Variants in MYOM3 observed in about 807,000 individuals in gnomAD.
MYOM3 encodes the protein myomesin-3.
A neutral mutation model predicts 191.7 loss-of-function variants in MYOM3; 155 were observed. The observed-to-expected ratio is 0.81, with a 90% confidence interval of 0.71 to 0.92. The LOEUF (loss-of-function observed/expected upper bound fraction) is 0.92. Ranked by LOEUF, MYOM3 falls within the 40% of genes least tolerant of loss-of-function variation. The probability of loss-of-function intolerance (pLI) is 0.00; values close to 1 mark genes in which losing one functional copy is unlikely to be tolerated. For synonymous variants in MYOM3, 757 were observed against 762.9 expected, an observed-to-expected ratio of 0.99 and a Z score of 0.13; for missense variants, 1,889 against 1,890.6, an observed-to-expected ratio of 1.00 and a Z score of 0.02.
intron 5 of MYOM3, 65 bp downstream of exon 5, chr1:24,105,855 T>G: frequency 6.9e-7 from 1 of 1,458,646 alleles, no homozygotes. Flanking sequence ...GGCAGAAGTA[T>G]TGGATGTGAG....
chr1:24,063,616 G>A lies in MYOM3; in HGVS notation c.3623-86C>T. ...GTGGGGACATCCTAGAAAAAGGCTG[G>A]TGGAGCCCGTGAGCTGCTCTCAGGG... On this transcript the variant is annotated intron_variant, in intron 30 of 36. Transcript: ENST00000374434. This position sits in a 1 kb window ranked among gnomAD's most constrained non-coding sequence, Gnocchi z 4.5. 1.3e-6 allele frequency: 2 copies of A among 1,498,820 alleles called. No homozygotes were observed. The highest frequency in any genetic ancestry group is 1.8e-6 in the Non-Finnish European group (2 of 1,082,082). 92.8% of individuals were successfully genotyped at this position (1,498,820 alleles called of 1,614,324 possible).
chr1:24,066,178 G>C lies in MYOM3; in HGVS notation c.3424-177C>G, dbSNP rs144396930. On this transcript the variant is annotated intron_variant, in intron 28 of 36. Coordinates refer to ENST00000374434, the MANE Select transcript of MYOM3 (RefSeq NM_152372.4). ...GTTTTCCCTCTGCCTCTTGATCCCT[G>C]CCTTACTCTATTTTTCTTGGAAATG... is the stretch of plus-strand genomic sequence containing the variant. The C allele has an allele frequency of 4.1e-4, 297 of 718,954 alleles. 1 individual carries two copies. The East Asian group carries it at 7.8e-3, about 19-fold the overall frequency. 44.5% of individuals were successfully genotyped at this position (718,954 alleles called of 1,614,324 possible).
At chr1:24,060,568 C>T (rs758054944) in intron 35 of MYOM3, among the ~76,000 whole-genome samples, 3 of 152,182 alleles carry the variant, frequency 2.0e-5, no homozygotes, top group Non-Finnish European at 2.9e-5. Context: ...ACCACCAGGC[C>T]GCTTAGAACT....
At chr1:24,099,602 G>T in intron 6 of MYOM3, 78 bp downstream of exon 6, 1 of 1,146,580 alleles carries the variant, frequency 8.7e-7, no homozygotes, top group Non-Finnish European at 1.3e-6. Context: ...CAGCTCCGAG[G>T]AAGGGTTTGG....
chr1:24,092,070 G>A (rs903247935), intron 11 of MYOM3, 104 bp downstream of exon 11: 5 of 1,168,852 alleles, frequency 4.3e-6, no homozygotes, highest in Non-Finnish European at 5.7e-6. Flanking sequence ...GCGGGGGTGT[G>A]AGGGTTCTCT....
At chr1:24,108,824 G>T (rs1416636310) in intron 1 of MYOM3, among the ~76,000 whole-genome samples, 170 bp from the exon 2 acceptor site, 1 of 152,198 alleles carries the variant, frequency 6.6e-6, no homozygotes, top group African/African-American at 2.4e-5. Context: ...TGCCCAAGGT[G>T]ACAGAGGCAG....
In MYOM3 at chr1:24,082,739, A is replaced by T. The variant is rs1411151453; in HGVS notation, c.1971-25T>A. 2.5e-6 allele frequency: 4 copies of T among 1,572,360 alleles called. No homozygotes were observed. The East Asian group carries it at 7.0e-5, about 27-fold the overall frequency. On this transcript the variant is annotated intron_variant, in intron 16 of 36. Transcript: ENST00000374434. ...CCTGGGAGAGAAATGTGCAGCTTTC[A>T]TGGATGTACAAACAGCCTGGAGACA...
At position 24,093,082 on chromosome 1, in the gene MYOM3, G is replaced by A. The variant is rs745583615; in HGVS notation, c.955C>T (p.Arg319Trp). ...TGGCGGTCTGTGTAGAGGATCTTCC[G>A]ACGTCTCGAGGACCTCAGTAGGCTC... ...DGSLLRSSRR[R>W]KILYTDRQAS... Residue 319 changes from arginine (R) to tryptophan (W), a missense_variant, in exon 10 of 37, where the codon CGG becomes TGG. Arg to Trp is a moderately radical substitution (Grantham distance 101). Transcript: ENST00000374434. 9 of 1,611,134 alleles carry A rather than the reference G, an allele frequency of 5.6e-6. No individual in the cohort carries two copies. Among genetic ancestry groups the A allele is most frequent in the South Asian group, 3.3e-5 (3 of 90,984 alleles).
At chr1:24,109,469 C>T (rs1184086996) in intron 1 of MYOM3, among the ~76,000 whole-genome samples, 1 of 152,142 alleles carries the variant, frequency 6.6e-6, no homozygotes, top group Non-Finnish European at 1.5e-5. Context: ...AGAATTTTCC[C>T]TCTTCTCATT....
intron 10 of MYOM3, among the ~76,000 whole-genome samples, chr1:24,092,629 C>G (rs1643854568): frequency 1.3e-5 from 2 of 152,156 alleles, no homozygotes; most frequent in South Asian, 4.2e-4. Flanking sequence ...GTGACCTGCC[C>G]AAAGTCACCC....
At chr1:24,075,245 C>CAGGA (rs1172091067) in intron 22 of MYOM3, 74 bp downstream of exon 22, 48 of 1,503,696 alleles carry the variant, frequency 3.2e-5, no homozygotes, top group Non-Finnish European at 4.4e-5. Context: ...TGGTCTCAGC[C>CAGGA]AGGAGCCCCT....
At chr1:24,082,235 T>C (rs772120777) in intron 17 of MYOM3, 47 bp from the exon 18 acceptor site, 1 of 1,506,708 alleles carries the variant, frequency 6.6e-7, no homozygotes, top group East Asian at 2.4e-5. Flanking sequence ...TAGGGGTGGC[T>C]GGATTGGACA....
rs368503939 is a variant in MYOM3 at position 24,086,681 on chromosome 1, C to T, written c.1761G>A (p.Ser587=). ...GCAAGGCGATGGGTTCGCTGGGCTCCGAGGGATCGCTCAGGCCATACTGGT... is the reference window on the plus strand; with the variant it reads ...GCAAGGCGATGGGTTCGCTGGGCTCTGAGGGATCGCTCAGGCCATACTGGT... The part of the protein sequence containing the change: ...AMNQYGLSDP[S]EPSEPIALRG... The change falls in exon 15 of 37, where the codon TCG becomes TCA. Residue 587 remains serine, a synonymous_variant. Transcript: ENST00000374434. 209 of 1,614,094 alleles carry T rather than the reference C, an allele frequency of 1.3e-4. 1 individual carries two copies. The highest frequency in any genetic ancestry group is 1.1e-3 in the South Asian group (99 of 91,074).
At position 24,063,073 on chromosome 1, in the gene MYOM3, A is replaced by G; in HGVS notation, c.3770+53T>C. The G allele has an allele frequency of 4.1e-6, 5 of 1,231,338 alleles. No individual in the cohort carries two copies. The highest frequency in any genetic ancestry group is 6.0e-6 in the Non-Finnish European group (5 of 834,336). 76.3% of individuals were successfully genotyped at this position (1,231,338 alleles called of 1,614,324 possible). On this transcript the variant is annotated intron_variant, in intron 32 of 36. Transcript: ENST00000374434. This position sits in a 1 kb window ranked among gnomAD's most constrained non-coding sequence, Gnocchi z 4.5. Reference sequence around the variant, plus strand: ...GAAGGGAGGGAGGCCCCCATGGGTCAGGTGCTGAATCCTTTCCAGCCTGGC... The same window carrying G: ...GAAGGGAGGGAGGCCCCCATGGGTCGGGTGCTGAATCCTTTCCAGCCTGGC...
chr1:24,073,943 T>G (rs1643563611), intron 23 of MYOM3, among the ~76,000 whole-genome samples: 1 of 151,728 alleles, frequency 6.6e-6, no homozygotes, highest in Non-Finnish European at 1.5e-5. Context: ...GGGATTTATG[T>G]CTGTTGAGTT....
At chr1:24,068,749 A>T (rs1003832522) in intron 25 of MYOM3, among the ~76,000 whole-genome samples, 1 of 151,740 alleles carries the variant, frequency 6.6e-6, no homozygotes, top group African/African-American at 2.4e-5. Flanking sequence ...TCCATCGCAG[A>T]GTCTCGCTCC....
In MYOM3 at chr1:24,063,376, G is replaced by C; in HGVS notation, c.3661+116C>G. On this transcript the variant is annotated intron_variant, in intron 31 of 36. Transcript: ENST00000374434. The surrounding 1 kb of genome is among the most constrained non-coding windows in gnomAD (Gnocchi z 4.5). The stretch of plus-strand genomic sequence containing the variant: ...TGTGAAGAGGCGGGATTTTCTCTTC[G>C]GTGTTTGAGGTTAGAAACTAAACCC... The C allele has an allele frequency of 7.0e-7, 1 of 1,418,890 alleles. No individual in the cohort carries two copies. The highest frequency in any genetic ancestry group is 2.1e-4 in the Middle Eastern group (1 of 4,672). 87.9% of individuals were successfully genotyped at this position (1,418,890 alleles called of 1,614,324 possible). A position where few individuals can be genotyped will look rare whatever the true frequency, so the allele number is the denominator to read the frequency against.
In MYOM3 at chr1:24,076,549, T is replaced by C. The variant is rs1303068151; in HGVS notation, c.2587-276A>G. ...TTTTTTTTGAGACGGAGTCTCGCTCTGTCGCCCAGGCTGGAGTGCAGTGGC... is the reference window on the plus strand; with the variant it reads ...TTTTTTTTGAGACGGAGTCTCGCTCCGTCGCCCAGGCTGGAGTGCAGTGGC... On this transcript the variant is annotated intron_variant, in intron 20 of 36. Transcript: ENST00000374434. Among the ~76,000 whole-genome samples the C allele has an allele frequency of 4.3e-5, 2 of 46,532 alleles. 1 individual carries two copies. The highest frequency in any genetic ancestry group is 9.8e-5 in the Non-Finnish European group (2 of 20,450). 30.5% of individuals were successfully genotyped at this position (46,532 alleles called of 152,430 possible). A position where few individuals can be genotyped will look rare whatever the true frequency, so the allele number is the denominator to read the frequency against.
In MYOM3 at chr1:24,106,030, G is replaced by A. The variant is rs371251768; in HGVS notation, c.450C>T (p.Tyr150=). Residue 150 remains tyrosine (Y), a synonymous_variant, in exon 5 of 37, where the codon TAC becomes TAT. Coordinates refer to ENST00000374434, the MANE Select transcript of MYOM3 (RefSeq NM_152372.4). ...GGATCCAGAACCAGGGCCCGCGGCCGTAGCACAGCTCCCTCAGCTCCTTGG... is the reference window on the plus strand; with the variant it reads ...GGATCCAGAACCAGGGCCCGCGGCCATAGCACAGCTCCCTCAGCTCCTTGG... ...QEAKELRELC[Y]GRGPWFWIPL... is the part of the protein sequence containing the mutation. 1.1e-4 allele frequency: 179 copies of A among 1,613,720 alleles called. No homozygotes were observed. Among genetic ancestry groups the A allele is most frequent in the Non-Finnish European group, 1.4e-4 (167 of 1,179,932 alleles).
Sources: allele counts gnomAD v4.1 joint callset (sites outside exome capture counted in the v4.1 genomes callset), GRCh38; gene constraint gnomAD v4.1.1; non-coding constraint Gnocchi (gnomAD v3.1); transcripts MANE v1.5; gene names NCBI Gene and HGNC (gene_info 2026-07-23, HGNC 2026-07-21).